The following FHIT variants were observed in gnomAD, a reference collection of about 807,000 sequenced individuals.
FHIT encodes the protein bis(5'-adenosyl)-triphosphatase.
FHIT carries 19 observed loss-of-function variants against 17.9 expected under a neutral mutation model. The observed-to-expected ratio is 1.06, with a 90% CI of 0.74 to 1.56. FHIT has a LOEUF of 1.56. Ranked by LOEUF, FHIT falls within the 40% of genes most tolerant of loss-of-function variation. The pLI is 0.00. For synonymous variants in FHIT, 81 were observed against 69.7 expected, an observed-to-expected ratio of 1.16 and a Z score of -0.81; for missense variants, 248 against 189.2, an observed-to-expected ratio of 1.31 and a Z score of -1.82.
At chr3:60,633,212 G>C (rs888173674) in intron 4 of FHIT, among the ~76,000 whole-genome samples, 4 of 152,136 alleles carry the variant, frequency 2.6e-5, no homozygotes, top group African/African-American at 9.7e-5. Context: ...CAATAGTTAG[G>C]AATATGAGAC....
At chr3:60,882,493 G>A (rs1705025358) in intron 3 of FHIT, among the ~76,000 whole-genome samples, 1 of 152,040 alleles carries the variant, frequency 6.6e-6, no homozygotes, top group African/African-American at 2.4e-5. Context: ...GTTGAATCCA[G>A]CATCACATTA....
intron 8 of FHIT, among the ~76,000 whole-genome samples, chr3:59,831,912 G>T (rs1345476743): frequency 1.3e-5 from 2 of 152,148 alleles, no homozygotes; most frequent in Non-Finnish European, 2.9e-5. Flanking sequence ...GTGGCCAAAA[G>T]CTGATGGTAA....
intron 5 of FHIT, among the ~76,000 whole-genome samples, chr3:60,291,460 A>G (rs1707980090): frequency 6.6e-6 from 1 of 151,836 alleles, no homozygotes; most frequent in African/African-American, 2.4e-5. Flanking sequence ...GTAACAACAA[A>G]AAAAGGGAAG....
chr3:59,849,105 T>G (rs1701832111), intron 8 of FHIT, among the ~76,000 whole-genome samples: 1 of 152,212 alleles, frequency 6.6e-6, no homozygotes, highest in South Asian at 2.1e-4. Context: ...GCTCAGTGGC[T>G]CATGCCTGTA....
At chr3:59,884,009 T>A (rs1310100958) in intron 8 of FHIT, among the ~76,000 whole-genome samples, 1 of 152,226 alleles carries the variant, frequency 6.6e-6, no homozygotes, top group Admixed American at 6.5e-5. Context: ...CACTTTTGTC[T>A]TGTTTATGTA....
At chr3:60,927,610 G>T (rs1553770346) in intron 3 of FHIT, among the ~76,000 whole-genome samples, 32 of 152,022 alleles carry the variant, frequency 2.1e-4, no homozygotes. Flanking sequence ...CGTCTGGGAT[G>T]TGAGGAGCGC....
chr3:59,777,967 C>T (rs749506289), intron 8 of FHIT, among the ~76,000 whole-genome samples: 1 of 152,200 alleles, frequency 6.6e-6, no homozygotes, highest in Non-Finnish European at 1.5e-5. Flanking sequence ...TTTCTAACCC[C>T]TCTAACCAAA....
At chr3:60,608,314 ACT>A (rs142200070) in intron 4 of FHIT, among the ~76,000 whole-genome samples, 1,646 of 151,716 alleles carry the variant, frequency 0.011, 32 homozygotes, top group African/African-American at 0.037. Context: ...AAACACAAAC[ACT>A]CTCATTCTCT....
intron 3 of FHIT, among the ~76,000 whole-genome samples, chr3:60,983,822 C>T (rs1710601221): frequency 6.6e-6 from 1 of 152,190 alleles, no homozygotes; most frequent in Non-Finnish European, 1.5e-5. Context: ...GTACTTTGTA[C>T]TTTGTCTGGC....
At chr3:59,959,294 A>T (rs1707554174) in intron 7 of FHIT, among the ~76,000 whole-genome samples, 1 of 152,198 alleles carries the variant, frequency 6.6e-6, no homozygotes, top group South Asian at 2.1e-4. Context: ...TCTCACCATG[A>T]ACAGTTACTA....
intron 5 of FHIT, among the ~76,000 whole-genome samples, chr3:60,132,874 C>G (rs1576173079): frequency 6.6e-6 from 1 of 152,212 alleles, no homozygotes; most frequent in Middle Eastern, 3.4e-3. Context: ...CATCTAACAC[C>G]TTTTATCACA....
intron 5 of FHIT, among the ~76,000 whole-genome samples, chr3:60,476,904 A>ACCTAGT (rs1269322913): frequency 3.3e-5 from 5 of 151,180 alleles, no homozygotes; most frequent in Non-Finnish European, 7.4e-5. Context: ...GGATTTCTTC[A>ACCTAGT]CCTAGTGCTA....
intron 5 of FHIT, among the ~76,000 whole-genome samples, chr3:60,200,341 C>G (rs151104710): frequency 6.6e-6 from 1 of 152,078 alleles, no homozygotes; most frequent in Admixed American, 6.6e-5. Flanking sequence ...ATGAATTCTA[C>G]GAATTCTGCT....
chr3:60,210,903 T>C (rs1365663108), intron 5 of FHIT, among the ~76,000 whole-genome samples: 1 of 152,028 alleles, frequency 6.6e-6, no homozygotes, highest in Non-Finnish European at 1.5e-5. Context: ...TCTGGGAGTC[T>C]ATCCAAAAGA....
At chr3:60,984,281 G>A (rs991909089) in intron 3 of FHIT, among the ~76,000 whole-genome samples, 5 of 152,112 alleles carry the variant, frequency 3.3e-5, no homozygotes, top group Admixed American at 6.5e-5. Context: ...TTCTGATCAG[G>A]GGAAAATGTT....
chr3:60,767,330 A>T (rs984611245), intron 4 of FHIT, among the ~76,000 whole-genome samples: 1 of 152,218 alleles, frequency 6.6e-6, no homozygotes, highest in Non-Finnish European at 1.5e-5. Context: ...CCATGCACAG[A>T]GTGTTTCTAT....
chr3:60,248,394 G>C (rs1018367876), intron 5 of FHIT, among the ~76,000 whole-genome samples: 1 of 152,104 alleles, frequency 6.6e-6, no homozygotes, highest in Non-Finnish European at 1.5e-5. Context: ...AGGAATGCTA[G>C]CCTGCATTTA....
chr3:60,214,697 A>G (rs1703615175), intron 5 of FHIT, among the ~76,000 whole-genome samples: 1 of 152,210 alleles, frequency 6.6e-6, no homozygotes, highest in Admixed American at 6.5e-5. Flanking sequence ...TCTTTCTGCC[A>G]AAAAGACATG....
At chr3:60,204,978 G>C (rs213313) in intron 5 of FHIT, among the ~76,000 whole-genome samples, 97,327 of 151,696 alleles carry the variant, frequency 0.64, 31,450 homozygotes, top group East Asian at 0.84. Flanking sequence ...CACCAGTAGT[G>C]TCAGCTACTC....
Sources: gnomAD v4.1 joint callset for allele counts (sites outside exome capture counted in the v4.1 genomes callset) on GRCh38, gnomAD v4.1.1 for gene constraint, MANE v1.5 for transcripts, NCBI Gene and HGNC (gene_info 2026-07-23, HGNC 2026-07-21) for gene names.